Variants in HORMAD1 observed in about 807,000 individuals in gnomAD.
The protein encoded by HORMAD1 is HORMA domain containing 1.
A neutral mutation model predicts 58.2 loss-of-function variants in HORMAD1; 33 were observed. That is an observed-to-expected ratio of 0.57 (90% CI 0.43 to 0.76). The LOEUF (loss-of-function observed/expected upper bound fraction) is 0.76, where lower values mean the gene tolerates loss of function less well. Ranked by LOEUF, HORMAD1 falls within the 30% of genes least tolerant of loss-of-function variation. The probability of loss-of-function intolerance (pLI) is 0.00; values close to 1 mark genes in which losing one functional copy is unlikely to be tolerated. For synonymous variants in HORMAD1, 137 were observed against 144.6 expected, an observed-to-expected ratio of 0.95 and a Z score of 0.38; for missense variants, 363 against 462.0, an observed-to-expected ratio of 0.79 and a Z score of 1.96.
chr1:150,704,769 G>A (rs757373464), intron 10 of HORMAD1, among the ~76,000 whole-genome samples: 7 of 152,202 alleles, frequency 4.6e-5, no homozygotes, highest in Admixed American at 3.3e-4. Context: ...CAAGCCAGGC[G>A]CAATGGCTTA....
intron 14 of HORMAD1, among the ~76,000 whole-genome samples, chr1:150,699,367 A>G (rs956236205): frequency 6.6e-6 from 1 of 152,154 alleles, no homozygotes; most frequent in Non-Finnish European, 1.5e-5. Context: ...TAGGGAACAC[A>G]TGTATTTAGT....
chr1:150,710,207 C>T (rs1179387370), intron 7 of HORMAD1, among the ~76,000 whole-genome samples: 1 of 152,052 alleles, frequency 6.6e-6, no homozygotes, highest in Non-Finnish European at 1.5e-5. Context: ...GGCAGGCCAC[C>T]CCTTCAGTTA....
intron 1 of HORMAD1, 91 bp downstream of exon 1, chr1:150,720,713 C>A (rs1420757105): frequency 6.6e-6 from 1 of 152,190 alleles, no homozygotes. Context: ...CCTTAAGAAA[C>A]TTAAAAGTAG....
chr1:150,717,901 G>A (rs972935020), intron 2 of HORMAD1, among the ~76,000 whole-genome samples: 3 of 151,912 alleles, frequency 2.0e-5, no homozygotes, highest in Non-Finnish European at 4.4e-5. Context: ...AGCCAAGATC[G>A]CACCACTGCA....
chr1:150,700,450 C>T (rs1483347963), intron 13 of HORMAD1, among the ~76,000 whole-genome samples: 1 of 151,980 alleles, frequency 6.6e-6, no homozygotes, highest in Non-Finnish European at 1.5e-5. Flanking sequence ...GCTGGATATA[C>T]AATTTTTTTA....
intron 13 of HORMAD1, among the ~76,000 whole-genome samples, chr1:150,702,613 A>T (rs1472568918): frequency 6.6e-6 from 1 of 152,182 alleles, no homozygotes; most frequent in Non-Finnish European, 1.5e-5. Context: ...ATGGAGCTGG[A>T]AGCCATTATC....
At position 150,700,105 on chromosome 1, in the gene HORMAD1, GACTT is replaced by G. The variant is rs1482106625; in HGVS notation, c.1104+3_1104+6del. 7.4e-7 allele frequency: 1 copy of G among 1,351,334 alleles called. No homozygotes were observed. The highest frequency in any genetic ancestry group is 1.1e-6 in the Non-Finnish European group (1 of 941,582). The allele number at this position is 1,351,334 out of a possible 1,614,324, so 83.7% of individuals were successfully genotyped here. The stretch of plus-strand genomic sequence containing the variant: ...GTATTCAAACTATACATTATCATAA[GACTT>G]ACTATTCTCCCAGATTCATGTTGAC... On this transcript the variant is annotated splice_donor_5th_base_variant and intron_variant, in intron 14 of 14. Coordinates refer to ENST00000361824, the MANE Select transcript of HORMAD1 (RefSeq NM_032132.5).
intron 1 of HORMAD1, among the ~76,000 whole-genome samples, chr1:150,720,537 A>C (rs1363683069): frequency 1.3e-5 from 2 of 152,172 alleles, no homozygotes; most frequent in Non-Finnish European, 2.9e-5. Flanking sequence ...TTCAGCTGGA[A>C]GAGTTTACTA....
intron 8 of HORMAD1, 125 bp from the exon 9 acceptor site, chr1:150,708,532 C>T: frequency 3.5e-6 from 2 of 565,014 alleles, no homozygotes; most frequent in South Asian, 7.9e-5. Flanking sequence ...TTGAAAGTTA[C>T]CATGTGTTTT....
At position 150,714,086 on chromosome 1, in the gene HORMAD1, T is replaced by C. The variant is rs374398658; in HGVS notation, c.278A>G (p.Tyr93Cys). 33 of 1,525,178 alleles carry C rather than the reference T, an allele frequency of 2.2e-5. No homozygotes were observed. Among genetic ancestry groups the C allele is most frequent in the African/African-American group, 5.5e-5 (4 of 72,532 alleles). 94.5% of individuals were successfully genotyped at this position (1,525,178 alleles called of 1,614,324 possible). A position where few individuals can be genotyped will look rare whatever the true frequency, so the allele number is the denominator to read the frequency against. ...GGATAAAGAGATTGCAAGACTTACA[T>C]ATTTTTTCTGTAAAGCATCATAACA... ...LGCYDALQKK[Y>C]LRMVVLAVYT... Residue 93 changes from tyrosine to cysteine, a missense_variant and splice_region_variant, in exon 5 of 15, where the codon TAT becomes TGT. Transcript: ENST00000361824.
chr1:150,714,050 T>C lies in HORMAD1; in HGVS notation c.279+35A>G, dbSNP rs201137571. ...AGTTATATTTGTAGATCATAAACTG[T>C]AGAAAAAAAAGGATAAAGAGATTGC... On this transcript the variant is annotated intron_variant, in intron 5 of 14. Coordinates refer to ENST00000361824, the MANE Select transcript of HORMAD1 (RefSeq NM_032132.5). 51 of 1,306,662 alleles carry C rather than the reference T, an allele frequency of 3.9e-5. 1 individual carries two copies. The East Asian group carries it at 6.4e-4, about 16-fold the overall frequency. 80.9% of individuals were successfully genotyped at this position (1,306,662 alleles called of 1,614,324 possible). A position where few individuals can be genotyped will look rare whatever the true frequency, so the allele number is the denominator to read the frequency against.
Position 150,714,619 on chromosome 1 carries a change from T to G in HORMAD1, c.238A>C (p.Lys80Gln). 6.9e-7 allele frequency: 1 copy of G among 1,455,598 alleles called. No homozygotes were observed. Among genetic ancestry groups the G allele is most frequent in the South Asian group, 1.4e-5 (1 of 72,466 alleles). 90.2% of individuals were successfully genotyped at this position (1,455,598 alleles called of 1,614,324 possible). ...TTTAGGTATTCTTTTACTTGCCATT[T>G]CACTAACTGTGTAGATCCTGGGCAA... ...KNCPGSTQLV[K>Q]WMLGCYDALQ... The change falls in exon 4 of 15, where the codon AAA (lysine) becomes CAA (glutamine). Residue 80 changes from lysine to glutamine, a missense_variant. Lys to Gln is a moderately conservative substitution (Grantham distance 53). Around this residue, in one of 3 missense-constraint regions of HORMAD1, gnomAD observed 128 missense variants for 171.8 expected, o/e 0.74. Coordinates refer to ENST00000361824, the MANE Select transcript of HORMAD1 (RefSeq NM_032132.5).
chr1:150,720,418 G>A (rs761076330), intron 1 of HORMAD1, among the ~76,000 whole-genome samples: 1 of 152,222 alleles, frequency 6.6e-6, no homozygotes, highest in African/African-American at 2.4e-5. Flanking sequence ...GGTCAGGCTG[G>A]TCTCAAATGA....
At chr1:150,714,722 AAAC>A (rs765866461) in intron 3 of HORMAD1, 44 bp from the exon 4 acceptor site, 1 of 896,102 alleles carries the variant, frequency 1.1e-6, no homozygotes, top group Non-Finnish European at 1.7e-6. Context: ...TAAGAAAAGT[AAAC>A]AACTAGAAAT....
rs199847530 is a variant in HORMAD1 at position 150,714,123 on chromosome 1, TA to T, written c.243-3del. Reference sequence around the variant, plus strand: ...AAAGCATCATAACATCCTAGCATCCTAAAAAAAAAATCAAGGATTCATTTTT... The same window carrying T: ...AAAGCATCATAACATCCTAGCATCCTAAAAAAAAATCAAGGATTCATTTTT... On this transcript the variant is annotated splice_polypyrimidine_tract_variant and splice_region_variant and intron_variant, in intron 4 of 14. Transcript: ENST00000361824. The T allele has an allele frequency of 7.0e-3, 9,194 of 1,312,398 alleles. 68 individuals carry two copies. Among genetic ancestry groups the T allele is most frequent in the East Asian group, 0.06 (2,292 of 38,006 alleles). 81.3% of individuals were successfully genotyped at this position (1,312,398 alleles called of 1,614,324 possible). A position where few individuals can be genotyped will look rare whatever the true frequency, so the allele number is the denominator to read the frequency against.
chr1:150,710,923 A>G (rs2101872061), intron 7 of HORMAD1, among the ~76,000 whole-genome samples: 1 of 152,292 alleles, frequency 6.6e-6, no homozygotes, highest in East Asian at 1.9e-4. Context: ...AGCCACTATG[A>G]CCTTAGGCAA....
At chr1:150,699,958 A>C (rs1271323903) in intron 14 of HORMAD1, among the ~76,000 whole-genome samples, 154 bp downstream of exon 14, 2 of 152,144 alleles carry the variant, frequency 1.3e-5, no homozygotes, top group Non-Finnish European at 2.9e-5. Context: ...AATCACCTCG[A>C]TTTTTAGAAC....
intron 10 of HORMAD1, among the ~76,000 whole-genome samples, chr1:150,705,525 CA>C (rs201641273): frequency 0.42 from 57,393 of 136,310 alleles, 11,182 homozygotes; most frequent in South Asian, 0.57. Context: ...AACTCTGTCT[CA>C]AAAAAAAAAA....
intron 2 of HORMAD1, 139 bp from the exon 3 acceptor site, chr1:150,717,421 A>G (rs1004771515): frequency 1.6e-5 from 7 of 446,042 alleles, no homozygotes; most frequent in African/African-American, 1.0e-4. Context: ...GTAATCCCCC[A>G]AAAGTCAGAG....
Sources: gnomAD v4.1 joint callset for allele counts (sites outside exome capture counted in the v4.1 genomes callset) on GRCh38, gnomAD v4.1.1 for gene constraint, gnomAD v4.1.1 regional missense constraint, MANE v1.5 for transcripts, NCBI Gene and HGNC (gene_info 2026-07-23, HGNC 2026-07-21) for gene names.